Variants in KHDRBS2 observed in about 807,000 individuals in gnomAD.
KHDRBS2 encodes the protein KH RNA binding domain containing, signal transduction associated 2.
Under a neutral mutation model 44.3 loss-of-function variants are expected in KHDRBS2, and 26 were observed. The observed-to-expected ratio is 0.59, with a 90% CI of 0.43 to 0.81. The LOEUF is 0.81. Ranked by LOEUF, KHDRBS2 falls within the 40% of genes least tolerant of loss-of-function variation. The pLI, the probability that KHDRBS2 is intolerant of heterozygous loss-of-function variation, is 0.00. For missense variants in KHDRBS2, 476 were observed against 433.1 expected (o/e 1.10, Z -0.88); for synonymous variants, 194 against 151.1 (o/e 1.28, Z -2.08).
chr6:62,177,999 C>G (rs1444523873), intron 1 of KHDRBS2, among the ~76,000 whole-genome samples: 1 of 151,368 alleles, frequency 6.6e-6, no homozygotes, highest in Admixed American at 6.6e-5. Flanking sequence ...TAAATCTCTA[C>G]TAGGTACCAG....
the KHDRBS2 span, among the ~76,000 whole-genome samples, chr6:61,638,092 T>C: frequency 5.1e-4 from 77 of 152,268 alleles, no homozygotes; most frequent in African/African-American, 1.5e-3. Flanking sequence ...CAAGGTAATT[T>C]ACAGATTCAA....
At chr6:61,671,464 TC>T in the KHDRBS2 span, among the ~76,000 whole-genome samples, 1 of 151,686 alleles carries the variant, frequency 6.6e-6, no homozygotes, top group African/African-American at 2.4e-5. Context: ...TCTCAATTCC[TC>T]TCATAATAAA....
chr6:61,649,254 C>T, the KHDRBS2 span, among the ~76,000 whole-genome samples: 3 of 152,038 alleles, frequency 2.0e-5, no homozygotes, highest in Admixed American at 2.0e-4. Context: ...TGGCTTGGGT[C>T]TTTATGACCC....
the KHDRBS2 span, among the ~76,000 whole-genome samples, chr6:61,642,367 AT>A: frequency 6.6e-6 from 1 of 151,918 alleles, no homozygotes; most frequent in Non-Finnish European, 1.5e-5. Flanking sequence ...ACTAAGAATA[AT>A]TTTTAGGCCA....
chr6:62,244,080 A>T (rs767183186), intron 1 of KHDRBS2, among the ~76,000 whole-genome samples: 39 of 152,132 alleles, frequency 2.6e-4, no homozygotes, highest in Non-Finnish European at 4.3e-4. Flanking sequence ...AAAACAAAAC[A>T]TTGCCTGCTC....
intron 7 of KHDRBS2, among the ~76,000 whole-genome samples, chr6:61,716,644 T>A (rs1231423057): frequency 1.3e-5 from 2 of 152,162 alleles, no homozygotes; most frequent in African/African-American, 4.8e-5. Flanking sequence ...TACATTCCAG[T>A]CTGCCACAGT....
chr6:62,087,674 G>A lies in KHDRBS2; in HGVS notation c.220-39680C>T, dbSNP rs1428372841. 2.0e-5 allele frequency among the ~76,000 whole-genome samples: 3 copies of A among 151,992 alleles called. No individual in the cohort carries two copies. The East Asian group carries it at 5.8e-4, about 29-fold the overall frequency. On this transcript the variant is annotated intron_variant, in intron 2 of 8. Coordinates refer to ENST00000281156, the MANE Select transcript of KHDRBS2 (RefSeq NM_152688.4). ...TGAATCTGATCATTATGTGTCTTGA[G>A]GTTGCACTTTTTGAGAGGTATCTTT... is the stretch of plus-strand genomic sequence containing the variant.
intron 6 of KHDRBS2, among the ~76,000 whole-genome samples, chr6:61,881,551 G>A (rs2127317788): frequency 6.6e-6 from 1 of 152,048 alleles, no homozygotes; most frequent in African/African-American, 2.4e-5. Flanking sequence ...GACAGGCAGA[G>A]TACAGGGATT....
At chr6:62,020,968 T>C (rs1274419315) in intron 3 of KHDRBS2, among the ~76,000 whole-genome samples, 4 of 151,930 alleles carry the variant, frequency 2.6e-5, no homozygotes, top group Non-Finnish European at 5.9e-5. Flanking sequence ...AGCAAACACA[T>C]GGAATCAACC....
At chr6:61,815,067 A>C (rs183189833) in intron 6 of KHDRBS2, among the ~76,000 whole-genome samples, 7 of 152,278 alleles carry the variant, frequency 4.6e-5, no homozygotes, top group South Asian at 2.1e-4. Context: ...AATAGTCTGT[A>C]CATGTTTAGT....
the KHDRBS2 span, among the ~76,000 whole-genome samples, chr6:61,583,456 G>A: frequency 1.3e-5 from 2 of 151,592 alleles, no homozygotes; most frequent in Non-Finnish European, 3.0e-5. Context: ...TTTTTATATG[G>A]ATATCATTTA....
At chr6:61,935,410 AGTGGAACTCAGCATGACTG>A (rs1401628329) in intron 4 of KHDRBS2, among the ~76,000 whole-genome samples, 1 of 152,222 alleles carries the variant, frequency 6.6e-6, no homozygotes, top group African/African-American at 2.4e-5. Context: ...GGCATGAATC[AGTGGAACTCAGCATGACTG>A]GTGGTGAAAG....
intron 1 of KHDRBS2, among the ~76,000 whole-genome samples, chr6:62,224,206 A>C (rs1831372905): frequency 6.6e-6 from 1 of 152,164 alleles, no homozygotes; most frequent in African/African-American, 2.4e-5. Context: ...AAAATGAGAG[A>C]GATGCAACCC....
chr6:61,817,918 T>C (rs543970506), intron 6 of KHDRBS2, among the ~76,000 whole-genome samples: 29 of 152,070 alleles, frequency 1.9e-4, no homozygotes, highest in African/African-American at 6.0e-4. Context: ...GTAATTAGAG[T>C]GTTGATATGC....
intron 6 of KHDRBS2, among the ~76,000 whole-genome samples, chr6:61,834,245 A>G (rs1401771137): frequency 1.3e-5 from 2 of 152,042 alleles, no homozygotes; most frequent in Non-Finnish European, 2.9e-5. Flanking sequence ...GGAGGTGCCA[A>G]ATGAATACTT....
intron 4 of KHDRBS2, among the ~76,000 whole-genome samples, chr6:61,951,491 T>A (rs1764729994): frequency 6.6e-6 from 1 of 152,090 alleles, no homozygotes; most frequent in Admixed American, 6.6e-5. Flanking sequence ...ACCTTCATTA[T>A]CATAAACATT....
intron 4 of KHDRBS2, among the ~76,000 whole-genome samples, chr6:61,974,719 T>C (rs976220003): frequency 6.6e-6 from 1 of 151,588 alleles, no homozygotes; most frequent in Non-Finnish European, 1.5e-5. Context: ...GATCATGAGG[T>C]CAAGATTTCG....
At chr6:61,823,620 T>A (rs1790364796) in intron 6 of KHDRBS2, among the ~76,000 whole-genome samples, 1 of 152,056 alleles carries the variant, frequency 6.6e-6, no homozygotes, top group Non-Finnish European at 1.5e-5. Flanking sequence ...ATTATCCTCA[T>A]CAGTGAGGTA....
chr6:62,191,078 G>T (rs749541863), intron 1 of KHDRBS2, among the ~76,000 whole-genome samples: 4 of 152,046 alleles, frequency 2.6e-5, no homozygotes, highest in Admixed American at 6.6e-5. Context: ...GTTGGAGTAT[G>T]GTATCTGAAC....
Sources: gnomAD v4.1 joint callset for allele counts (sites outside exome capture counted in the v4.1 genomes callset) on GRCh38, gnomAD v4.1.1 for gene constraint, MANE v1.5 for transcripts, NCBI Gene and HGNC (gene_info 2026-07-23, HGNC 2026-07-21) for gene names.